PLCH2: variants seen among roughly 807,000 people sequenced by gnomAD.
The protein encoded by PLCH2 is phospholipase C eta 2.
A neutral mutation model predicts 134.7 loss-of-function variants in PLCH2; 98 were observed. The observed-to-expected ratio is 0.73, with a 90% confidence interval of 0.62 to 0.86. The LOEUF (loss-of-function observed/expected upper bound fraction) is 0.86, where lower values mean the gene tolerates loss of function less well. Ranked by LOEUF, PLCH2 falls within the 40% of genes least tolerant of loss-of-function variation. PLCH2 has a pLI of 0.00. For synonymous variants in PLCH2, 974 were observed against 827.5 expected (o/e 1.18, Z -3.04); for missense variants, 1,994 against 1,986.6 (o/e 1.00, Z -0.07).
At chr1:2,438,421 A>G (rs1034534253) in intron 2 of PLCH2, among the ~76,000 whole-genome samples, 11 of 152,154 alleles carry the variant, frequency 7.2e-5, no homozygotes, top group Non-Finnish European at 2.9e-5. Flanking sequence ...CAGGAGGTCC[A>G]GGGGAGGGTC....
At chr1:2,495,095 G>A (rs1178947831) in intron 12 of PLCH2, 147 bp downstream of exon 12, 1 of 635,296 alleles carries the variant, frequency 1.6e-6, no homozygotes, top group South Asian at 1.9e-5. Context: ...GAGCAGATGG[G>A]GGTCTCCTCC....
chr1:2,468,064 C>T (rs1473014536), intron 1 of PLCH2, among the ~76,000 whole-genome samples: 1 of 152,200 alleles, frequency 6.6e-6, no homozygotes, highest in Non-Finnish European at 1.5e-5. Flanking sequence ...CGGATGCACA[C>T]TGCTCGGGTG....
chr1:2,504,956 C>T lies in PLCH2; in HGVS notation c.3994C>T (p.Pro1332Ser). The change falls in exon 22 of 22, where the codon CCT becomes TCT. Residue 1332 changes from proline to serine, a missense_variant. Transcript: ENST00000378486. Reference protein sequence around the residue: ...GPAGEGVAGGPGFVRRSSSRS... With the variant: ...GPAGEGVAGGSGFVRRSSSRS... ...GGCTGGGGAGGGGGTGGCAGGGGGC[C>T]CTGGTTTTGTGCGGCGCTCCTCCTC... 1.3e-6 allele frequency: 2 copies of T among 1,559,684 alleles called. No homozygotes were observed. The highest frequency in any genetic ancestry group is 1.7e-6 in the Non-Finnish European group (2 of 1,153,736).
At chr1:2,451,662 C>T (rs1328997461) in intron 2 of PLCH2, among the ~76,000 whole-genome samples, 1 of 152,232 alleles carries the variant, frequency 6.6e-6, no homozygotes, top group East Asian at 1.9e-4. Context: ...GGTCAGCCAC[C>T]GTTGGCAGCA....
At chr1:2,442,199 C>T (rs568436596) in intron 2 of PLCH2, among the ~76,000 whole-genome samples, 1 of 152,226 alleles carries the variant, frequency 6.6e-6, no homozygotes, top group Admixed American at 6.5e-5. Context: ...TCCTGGGCTT[C>T]AGCAATCAGG....
At chr1:2,431,582 C>G (rs1639074148) in intron 2 of PLCH2, among the ~76,000 whole-genome samples, 1 of 152,148 alleles carries the variant, frequency 6.6e-6, no homozygotes, top group African/African-American at 2.4e-5. Context: ...TTCTCCAGAG[C>G]TTCCAGAGTC....
chr1:2,497,297 G>T (rs904876201), intron 15 of PLCH2, among the ~76,000 whole-genome samples: 21 of 152,264 alleles, frequency 1.4e-4, no homozygotes, highest in Non-Finnish European at 2.9e-5. Flanking sequence ...GGCTGCGCCA[G>T]CTCCGGGGAT....
chr1:2,434,790 T>G (rs945583812), intron 2 of PLCH2, among the ~76,000 whole-genome samples: 11 of 152,192 alleles, frequency 7.2e-5, no homozygotes, highest in African/African-American at 2.4e-4. Context: ...TGGTGCCACG[T>G]GCACTGATGA....
chr1:2,482,359 G>A (rs1642016713), intron 4 of PLCH2, among the ~76,000 whole-genome samples: 1 of 152,196 alleles, frequency 6.6e-6, no homozygotes, highest in African/African-American at 2.4e-5. Flanking sequence ...CCCAGGCTCT[G>A]TCCCATGGGG....
At chr1:2,424,004 G>T (rs900577700), upstream of PLCH2, among the ~76,000 whole-genome samples, 1 of 152,112 alleles carries the variant, frequency 6.6e-6, no homozygotes, top group Non-Finnish European at 1.5e-5. Context: ...TCTTCAAGTG[G>T]TGCTCCCACC....
At position 2,504,544 on chromosome 1, in the gene PLCH2, G is replaced by C. The variant is rs758142967; in HGVS notation, c.3582G>C (p.Leu1194=). 57 of 1,612,510 alleles carry C rather than the reference G, an allele frequency of 3.5e-5. No homozygotes were observed. The highest frequency in any genetic ancestry group is 5.1e-6 in the Non-Finnish European group (6 of 1,179,800). ...CGGCTTCGGCTGCCCGCCCAGACCTGCCACCTGTGACCAAGAGCAAATCCA... is the reference window on the plus strand; with the variant it reads ...CGGCTTCGGCTGCCCGCCCAGACCTCCCACCTGTGACCAAGAGCAAATCCA... ...PHSASAARPD[L]PPVTKSKSNP... Residue 1194 remains leucine, a synonymous_variant, in exon 22 of 22, where the codon CTG becomes CTC. Coordinates refer to ENST00000378486, the MANE Select transcript of PLCH2 (RefSeq NM_014638.4).
At position 2,444,161 on chromosome 1, in the gene PLCH2, C is replaced by G. The variant is rs1639830195; in HGVS notation, c.115+13532C>G. ...CTGTGGGCGGGACGGGCGGAGCGGTCTTGAGCTCTCCGGATGGCCTCAGGT... is the reference window on the plus strand; with the variant it reads ...CTGTGGGCGGGACGGGCGGAGCGGTGTTGAGCTCTCCGGATGGCCTCAGGT... On this transcript the variant is annotated intron_variant, in intron 2 of 3. Coordinates refer to the PLCH2 transcript ENST00000609981. This position sits in a 1 kb window ranked among gnomAD's most constrained non-coding sequence, Gnocchi z 4.6. Among the ~76,000 whole-genome samples, 1 of 152,204 alleles carries G rather than the reference C, an allele frequency of 6.6e-6. No homozygotes were observed. The highest frequency in any genetic ancestry group is 6.5e-5 in the Admixed American group (1 of 15,286).
At position 2,505,473 on chromosome 1, in the gene PLCH2, T is replaced by C. The variant is rs549108152; in HGVS notation, c.*260T>C. On this transcript the variant is annotated 3_prime_UTR_variant, in exon 22 of 22. Transcript: ENST00000378486. ...GTTTTAGGATCTGTACATAGAGAAA[T>C]ATTTAAATTTTTAGAAGCAAAACTT... 1.4e-4 allele frequency: 72 copies of C among 516,682 alleles called. 2 individuals carry two copies. In the South Asian group the frequency reaches 1.9e-3, roughly 14 times the overall value. 32.0% of individuals were successfully genotyped at this position (516,682 alleles called of 1,614,324 possible).
chr1:2,473,966 G>A (rs918362669), upstream of PLCH2, among the ~76,000 whole-genome samples: 2 of 152,260 alleles, frequency 1.3e-5, no homozygotes, highest in African/African-American at 2.4e-5. Flanking sequence ...AGGCGGCCTG[G>A]GGGTGGGTGT....
intron 2 of PLCH2, among the ~76,000 whole-genome samples, chr1:2,443,671 C>G (rs1233842589): frequency 1.3e-5 from 2 of 149,364 alleles, no homozygotes; most frequent in Non-Finnish European, 3.0e-5. Flanking sequence ...GTGCCCGCCG[C>G]GGAGCCCGCG....
At chr1:2,429,471 T>C (rs2100478767) in intron 1 of PLCH2, among the ~76,000 whole-genome samples, 1 of 151,124 alleles carries the variant, frequency 6.6e-6, no homozygotes, top group South Asian at 2.1e-4. Context: ...GAGTGAGGAG[T>C]TGGCGGGTGA....
In PLCH2 at chr1:2,476,501, G is replaced by A. The variant is rs769160694; in HGVS notation, c.-88G>A. On this transcript the variant is annotated 5_prime_UTR_variant, in exon 1 of 22. Transcript: ENST00000378486. ...GAGAAGGCCCCACGGAGGTCCTGTC[G>A]CCAGCGCTGCCACTGCCTGACCTCC... 719 of 1,309,954 alleles carry A rather than the reference G, an allele frequency of 5.5e-4. No individual in the cohort carries two copies. The highest frequency in any genetic ancestry group is 6.5e-4 in the Non-Finnish European group (648 of 991,418). 81.1% of individuals were successfully genotyped at this position (1,309,954 alleles called of 1,614,324 possible).
chr1:2,422,994 C>T (rs1427309664), upstream of PLCH2, among the ~76,000 whole-genome samples: 3 of 152,170 alleles, frequency 2.0e-5, no homozygotes, highest in Non-Finnish European at 1.5e-5. Flanking sequence ...AATCACATTA[C>T]TATCACCCCG....
the PLCH2 span, among the ~76,000 whole-genome samples, chr1:2,419,793 C>T: frequency 1.7e-4 from 26 of 152,232 alleles, 1 homozygote; most frequent in South Asian, 5.4e-3. Flanking sequence ...GTGGGCTCCA[C>T]CATATTCATC....
Sources: allele counts gnomAD v4.1 joint callset (sites outside exome capture counted in the v4.1 genomes callset), GRCh38; gene constraint gnomAD v4.1.1; non-coding constraint Gnocchi (gnomAD v3.1); transcripts MANE v1.5; gene names NCBI Gene and HGNC (gene_info 2026-07-23, HGNC 2026-07-21).